TGFBR3L: variants seen among roughly 807,000 people sequenced by gnomAD.
TGFBR3L encodes the protein transforming growth factor beta receptor 3 like, also known as transforming growth factor-beta receptor type 3-like protein.
A neutral mutation model predicts 20.4 loss-of-function variants in TGFBR3L; 21 were observed. That is an observed-to-expected ratio of 1.03 (90% CI 0.73 to 1.48). The LOEUF (loss-of-function observed/expected upper bound fraction) is 1.48, where lower values mean the gene tolerates loss of function less well. Ranked by LOEUF, TGFBR3L falls within the 40% of genes most tolerant of loss-of-function variation. The probability of loss-of-function intolerance (pLI) is 0.00; values close to 1 mark genes in which losing one functional copy is unlikely to be tolerated. For missense variants in TGFBR3L, 479 were observed against 498.0 expected (o/e 0.96, Z 0.36); for synonymous variants, 245 against 244.2 (o/e 1.00, Z -0.03).
chr19:7,917,942 G>A, intron 4 of TGFBR3L, 83 bp downstream of exon 5: 40 of 1,398,602 alleles, frequency 2.9e-5, no homozygotes, highest in Non-Finnish European at 3.6e-5. Flanking sequence ...CGCCTGCGGG[G>A]CCTGATCAAC....
intron 5 of TGFBR3L, 142 bp downstream of exon 6, chr19:7,918,271 T>C: frequency 9.0e-7 from 1 of 1,111,386 alleles, no homozygotes; most frequent in Non-Finnish European, 1.3e-6. Flanking sequence ...AGTTTCGCTC[T>C]TGTTGCCCAG....
At position 7,917,760 on chromosome 19, in the gene TGFBR3L, G is replaced by A. The variant is rs1245346314; in HGVS notation, c.784G>A (p.Ala262Thr). The stretch of plus-strand genomic sequence containing the variant: ...CCCTGAGCCTCCCGCGCCGGCCCCC[G>A]CGGCCCTGGAACCCGCGCCGGTGGT... Residue 262 changes from alanine (A) to threonine (T), a missense_variant, in exon 4 of 6, where the codon GCG (alanine) becomes ACG (threonine). Coordinates refer to ENST00000565886, the MANE Select transcript of TGFBR3L (RefSeq NM_001195259.2). 4.2e-6 allele frequency: 6 copies of A among 1,438,698 alleles called. No individual in the cohort carries two copies. The South Asian group carries it at 7.0e-5, about 17-fold the overall frequency. The allele number at this position is 1,438,698 out of a possible 1,614,324, so 89.1% of individuals were successfully genotyped here. A position where few individuals can be genotyped will look rare whatever the true frequency, so the allele number is the denominator to read the frequency against.
chr19:7,917,673 C>T, intron 3 of TGFBR3L, 28 bp from the exon 5 acceptor site: 1 of 1,426,474 alleles, frequency 7.0e-7, no homozygotes, highest in Non-Finnish European at 9.1e-7. Flanking sequence ...GGGAGCTGGA[C>T]CCAGTCTCAG....
chr19:7,918,043 C>A lies in TGFBR3L; in HGVS notation c.884-14C>A. ...CGCGCAGCAGCCCTTCTGCAGCTCG[C>A]CTCTCCCTTCCAGCGCCCCACGCCC... On this transcript the variant is annotated splice_polypyrimidine_tract_variant and intron_variant, in intron 4 of 5. Transcript: ENST00000565886. The A allele has an allele frequency of 6.5e-7, 1 of 1,533,046 alleles. No individual in the cohort carries two copies. Among genetic ancestry groups the A allele is most frequent in the Non-Finnish European group, 8.7e-7 (1 of 1,145,078 alleles). The allele number at this position is 1,533,046 out of a possible 1,614,324, so 95.0% of individuals were successfully genotyped here.
Position 7,918,993 on chromosome 19 carries a change from G to A in TGFBR3L, c.*82G>A, listed in dbSNP as rs554389900. 2 of 398,722 alleles carry A rather than the reference G, an allele frequency of 5.0e-6. No homozygotes were observed. The highest frequency in any genetic ancestry group is 6.3e-4 in the Middle Eastern group (1 of 1,590). The allele number at this position is 398,722 out of a possible 1,614,324, so 24.7% of individuals were successfully genotyped here. A position where few individuals can be genotyped will look rare whatever the true frequency, so the allele number is the denominator to read the frequency against. On this transcript the variant is annotated 3_prime_UTR_variant, in exon 6 of 6. Coordinates refer to ENST00000565886, the MANE Select transcript of TGFBR3L (RefSeq NM_001195259.2). ...GACCAGGACCAACAGGACCGGACCCGCCTCCCTGGACCTCGGACCTGATGA... is the reference window on the plus strand; with the variant it reads ...GACCAGGACCAACAGGACCGGACCCACCTCCCTGGACCTCGGACCTGATGA...
rs1983298836 is a variant in TGFBR3L, at chr19:7,916,445, A to C, written c.178A>C (p.Arg60=). The change falls in exon 1 of 6, where the codon AGA becomes CGA. Residue 60 remains arginine, a synonymous_variant. Coordinates refer to ENST00000565886, the MANE Select transcript of TGFBR3L (RefSeq NM_001195259.2). Reference sequence around the variant, plus strand: ...CGCGGCGCCCGGCCCCTGGCTGCGCAGACCCCTCTTCAGCCTGAAGCTGTC... The same window carrying C: ...CGCGGCGCCCGGCCCCTGGCTGCGCCGACCCCTCTTCAGCCTGAAGCTGTC... 1 of 1,533,378 alleles carries C rather than the reference A, an allele frequency of 6.5e-7. No homozygotes were observed. The allele number at this position is 1,533,378 out of a possible 1,614,324, so 95.0% of individuals were successfully genotyped here. A position where few individuals can be genotyped will look rare whatever the true frequency, so the allele number is the denominator to read the frequency against.
chr19:7,917,545 C>A lies in TGFBR3L; in HGVS notation c.670C>A (p.His224Asn). 1 of 1,521,014 alleles carries A rather than the reference C, an allele frequency of 6.6e-7. No homozygotes were observed. Among genetic ancestry groups the A allele is most frequent in the Non-Finnish European group, 8.8e-7 (1 of 1,140,674 alleles). 94.2% of individuals were successfully genotyped at this position (1,521,014 alleles called of 1,614,324 possible). Reference sequence around the variant, plus strand: ...CGAGGGCCTGGCTGCTGACGGCCCCCACCTGCACACGCTGACGCAGCCTAT... The same window carrying A: ...CGAGGGCCTGGCTGCTGACGGCCCCAACCTGCACACGCTGACGCAGCCTAT... Residue 224 changes from histidine (H) to asparagine (N), a missense_variant, in exon 3 of 6, where the codon CAC becomes AAC. His to Asn is a moderately conservative substitution (Grantham distance 68). Coordinates refer to ENST00000565886, the MANE Select transcript of TGFBR3L (RefSeq NM_001195259.2).
chr19:7,918,951 C>A lies in TGFBR3L; in HGVS notation c.*40C>A. 1 of 398,642 alleles carries A rather than the reference C, an allele frequency of 2.5e-6. No individual in the cohort carries two copies. Among genetic ancestry groups the A allele is most frequent in the Non-Finnish European group, 4.4e-6 (1 of 226,088 alleles). The allele number at this position is 398,642 out of a possible 1,614,324, so 24.7% of individuals were successfully genotyped here. On this transcript the variant is annotated 3_prime_UTR_variant, in exon 6 of 6. Transcript: ENST00000565886. ...GCCCCCAACATGGTCCGGAGATACA[C>A]CCAGCTACCAATTCGGGACCAGGAC...
chr19:7,917,869 A>C lies in TGFBR3L; in HGVS notation c.883+10A>C. 1 of 1,366,966 alleles carries C rather than the reference A, an allele frequency of 7.3e-7. No homozygotes were observed. The highest frequency in any genetic ancestry group is 9.4e-7 in the Non-Finnish European group (1 of 1,066,952). 84.7% of individuals were successfully genotyped at this position (1,366,966 alleles called of 1,614,324 possible). ...GTCTGTGCGCACTCAGGTACCGACG[A>C]CCTCCGCCAAGCCGGGCCCCCAGTC... On this transcript the variant is annotated intron_variant, in intron 4 of 5. Coordinates refer to ENST00000565886, the MANE Select transcript of TGFBR3L (RefSeq NM_001195259.2).
chr19:7,916,758 TC>T lies in TGFBR3L; in HGVS notation c.416del (p.Pro139ArgfsTer35). On this transcript the variant is annotated frameshift_variant, in exon 2 of 6. Coordinates refer to ENST00000565886, the MANE Select transcript of TGFBR3L (RefSeq NM_001195259.2). LOFTEE classifies it high-confidence loss of function. The stretch of plus-strand genomic sequence containing the variant: ...TGCCCCGCCGACACCTCTGTCGCCT[TC>T]CCGCCACCGCCGCCGCCGAGCCCGG... 6.7e-7 allele frequency: 1 copy of T among 1,488,500 alleles called. No individual in the cohort carries two copies. The highest frequency in any genetic ancestry group is 8.9e-7 in the Non-Finnish European group (1 of 1,124,968). 92.2% of individuals were successfully genotyped at this position (1,488,500 alleles called of 1,614,324 possible).
Position 7,916,634 on chromosome 19 carries a change from C to G in TGFBR3L, c.289C>G (p.Arg97Gly), listed in dbSNP as rs1205946032. The stretch of plus-strand genomic sequence containing the variant: ...CTCCGTCCCCCAGGCGGCCTTGGCC[C>G]GTCCCTCCCCGCGCTGGGGCCTGGC... The change falls in exon 2 of 6, where the codon CGT (arginine) becomes GGT (glycine). Residue 97 changes from arginine (R) to glycine (G), a missense_variant. Physicochemically the swap from Arg to Gly is moderately radical, Grantham distance 125. Transcript: ENST00000565886. The G allele has an allele frequency of 7.7e-6, 11 of 1,421,132 alleles. No individual in the cohort carries two copies. The East Asian group carries it at 2.2e-4, about 28-fold the overall frequency. The allele number at this position is 1,421,132 out of a possible 1,614,324, so 88.0% of individuals were successfully genotyped here.
rs1983302995 is a variant in TGFBR3L, at chr19:7,916,487, T to C, written c.220T>C (p.Phe74Leu). Residue 74 changes from phenylalanine to leucine, a missense_variant, in exon 1 of 6, where the codon TTT becomes CTT. Transcript: ENST00000565886. ...GAAGCTGTCCGACACAGAGGACGTC[T>C]TTCCTCGCCGCGCGGGGCCGCTCGA... is the stretch of plus-strand genomic sequence containing the variant. 6.6e-7 allele frequency: 1 copy of C among 1,524,056 alleles called. No homozygotes were observed. The highest frequency in any genetic ancestry group is 2.0e-5 in the Admixed American group (1 of 50,370). 94.4% of individuals were successfully genotyped at this position (1,524,056 alleles called of 1,614,324 possible).
Position 7,916,276 on chromosome 19 carries a change from A to C in TGFBR3L, c.9A>C (p.Glu3Asp), listed in dbSNP as rs1360970441. 6.5e-7 allele frequency: 1 copy of C among 1,534,666 alleles called. No individual in the cohort carries two copies. The highest frequency in any genetic ancestry group is 1.4e-5 in the African/African-American group (1 of 73,146). Reference sequence around the variant, plus strand: ...GTGGCGCGGAGCCCATCATGGGTGAATCGGCCGCCGCAACCGCATCCCTTT... The same window carrying C: ...GTGGCGCGGAGCCCATCATGGGTGACTCGGCCGCCGCAACCGCATCCCTTT... The change falls in exon 1 of 6, where the codon GAA becomes GAC. Residue 3 changes from glutamate to aspartate, a missense_variant. Transcript: ENST00000565886.
rs1467507845 is a variant in TGFBR3L at position 7,915,667 on chromosome 19, G to A, written c.-601G>A. Among the ~76,000 whole-genome samples the A allele has an allele frequency of 2.0e-5, 3 of 152,356 alleles. No homozygotes were observed. The highest frequency in any genetic ancestry group is 7.2e-5 in the African/African-American group (3 of 41,580). On this transcript the variant is annotated 5_prime_UTR_variant, in exon 1 of 6. Coordinates refer to ENST00000565886, the MANE Select transcript of TGFBR3L (RefSeq NM_001195259.2). ...GCAGGAGGATGGCTGGAGCCCAGGA[G>A]GTGGAGGCTGCAGTGAGCTGTATTC...
chr19:7,918,169 T>C, intron 5 of TGFBR3L, 40 bp downstream of exon 6: 1 of 1,524,378 alleles, frequency 6.6e-7, no homozygotes, highest in South Asian at 1.2e-5. Flanking sequence ...AGGTAGGAGA[T>C]CTGACAGTGA....
At position 7,916,563 on chromosome 19, in the gene TGFBR3L, C is replaced by G. The variant is rs923766664; in HGVS notation, c.276+20C>G. The stretch of plus-strand genomic sequence containing the variant: ...GTGCAGGTGGGGACCCCGGGGACAC[C>G]AGGGGCGGATGGGGGCCGGTGGGGA... On this transcript the variant is annotated intron_variant, in intron 1 of 5. Coordinates refer to ENST00000565886, the MANE Select transcript of TGFBR3L (RefSeq NM_001195259.2). The G allele has an allele frequency of 6.9e-7, 1 of 1,455,720 alleles. No individual in the cohort carries two copies. Among genetic ancestry groups the G allele is most frequent in the Admixed American group, 2.5e-5 (1 of 39,940 alleles). The allele number at this position is 1,455,720 out of a possible 1,614,324, so 90.2% of individuals were successfully genotyped here. A position where few individuals can be genotyped will look rare whatever the true frequency, so the allele number is the denominator to read the frequency against.
chr19:7,918,731 G>A (rs1000267087), intron 5 of TGFBR3L, 186 bp from the exon 7 acceptor site: 3 of 395,588 alleles, frequency 7.6e-6, no homozygotes, highest in Non-Finnish European at 1.3e-5. Context: ...CGGCAGGCGC[G>A]GGCTTTGGGT....
At position 7,917,873 on chromosome 19, in the gene TGFBR3L, C is replaced by G. The variant is rs2052688552; in HGVS notation, c.883+14C>G. ...GTGCGCACTCAGGTACCGACGACCT[C>G]CGCCAAGCCGGGCCCCCAGTCTAAT... On this transcript the variant is annotated intron_variant, in intron 4 of 5. Coordinates refer to ENST00000565886, the MANE Select transcript of TGFBR3L (RefSeq NM_001195259.2). 1.5e-6 allele frequency: 2 copies of G among 1,369,690 alleles called. No homozygotes were observed. Among genetic ancestry groups the G allele is most frequent in the African/African-American group, 3.1e-5 (2 of 65,212 alleles). The allele number at this position is 1,369,690 out of a possible 1,614,324, so 84.8% of individuals were successfully genotyped here.
chr19:7,918,215 GTTTT>G (rs1055844057), intron 5 of TGFBR3L, 86 bp downstream of exon 6: 38 of 1,372,614 alleles, frequency 2.8e-5, no homozygotes, highest in African/African-American at 4.4e-5. Flanking sequence ...AGGCACTGTG[GTTTT>G]TTTGTTTGTT....
Sources: gnomAD v4.1 joint callset for allele counts (sites outside exome capture counted in the v4.1 genomes callset) on GRCh38, gnomAD v4.1.1 for gene constraint, MANE v1.5 for transcripts, NCBI Gene and HGNC (gene_info 2026-07-23, HGNC 2026-07-21) for gene names.